Variants in MECOM observed in about 807,000 individuals in gnomAD.
The protein encoded by MECOM is histone-lysine N-methyltransferase MECOM.
In MECOM, 13 loss-of-function variants were observed where a neutral mutation model predicts 116.3. The ratio of observed to expected loss-of-function variants is 0.11; its 90% CI spans 0.07 to 0.18. MECOM has a LOEUF of 0.18. Among genes scored for constraint, MECOM ranks in the 10% least tolerant of loss-of-function variants. The probability of loss-of-function intolerance (pLI) is 1.00; values close to 1 mark genes in which losing one functional copy is unlikely to be tolerated. For synonymous variants in MECOM, 528 were observed against 535.2 expected, an observed-to-expected ratio of 0.99 and a Z score of 0.19; for missense variants, 1,299 against 1,509.0, an observed-to-expected ratio of 0.86 and a Z score of 2.31.
intron 6 of MECOM, 147 bp from the exon 7 acceptor site, chr3:169,121,356 A>C: frequency 1.3e-6 from 1 of 755,006 alleles, no homozygotes. Flanking sequence ...TCTAATTTCC[A>C]AAATGTACTC....
chr3:169,147,550 G>T (rs1411690566), intron 2 of MECOM: 2 of 985,326 alleles, frequency 2.0e-6, no homozygotes, highest in African/African-American at 3.5e-5. Flanking sequence ...TCACAAAAAG[G>T]TCGCCAAGAC....
chr3:169,417,590 C>G (rs1237641819), intron 1 of MECOM, among the ~76,000 whole-genome samples: 1 of 151,618 alleles, frequency 6.6e-6, no homozygotes, highest in Non-Finnish European at 1.5e-5. Flanking sequence ...CTATTTGACC[C>G]AGCCATCCCA....
intron 2 of MECOM, among the ~76,000 whole-genome samples, chr3:169,237,128 T>C (rs979011614): frequency 3.3e-5 from 5 of 152,226 alleles, no homozygotes; most frequent in African/African-American, 4.8e-5. Context: ...CAGTAAGTAA[T>C]GTAATATCCA....
chr3:169,448,643 A>C (rs1315953851), intron 1 of MECOM, among the ~76,000 whole-genome samples: 2 of 152,150 alleles, frequency 1.3e-5, no homozygotes, highest in Non-Finnish European at 2.9e-5. Flanking sequence ...TGGGAAGAGG[A>C]GTTTGCATCC....
At chr3:169,484,219 G>T in intron 1 of MECOM, 1 of 552,610 alleles carries the variant, frequency 1.8e-6, no homozygotes, top group Non-Finnish European at 3.2e-6. Flanking sequence ...ATATGTGAAT[G>T]TTTATAACAG....
intron 1 of MECOM, among the ~76,000 whole-genome samples, chr3:169,648,558 A>G (rs181099407): frequency 6.6e-6 from 1 of 152,362 alleles, no homozygotes; most frequent in East Asian, 1.9e-4. Context: ...TTTGCTTAGA[A>G]TTTCAGACTG....
At chr3:169,156,675 G>A (rs1742039704) in intron 2 of MECOM, among the ~76,000 whole-genome samples, 1 of 152,132 alleles carries the variant, frequency 6.6e-6, no homozygotes, top group South Asian at 2.1e-4. Context: ...CTCATTTCAA[G>A]ATCAACCCAC....
intron 1 of MECOM, among the ~76,000 whole-genome samples, chr3:169,430,126 C>A (rs924359630): frequency 2.0e-5 from 3 of 152,172 alleles, no homozygotes; most frequent in Non-Finnish European, 4.4e-5. Flanking sequence ...ATAGAACTAG[C>A]TAAAGGTAAT....
intron 1 of MECOM, among the ~76,000 whole-genome samples, chr3:169,586,578 T>G (rs1421026507): frequency 6.6e-6 from 1 of 152,176 alleles, no homozygotes; most frequent in Non-Finnish European, 1.5e-5. Flanking sequence ...AAGTTTTAAT[T>G]TACCATTTGT....
intron 2 of MECOM, among the ~76,000 whole-genome samples, chr3:169,153,940 G>T (rs1015282111): frequency 1.7e-4 from 26 of 152,310 alleles, no homozygotes; most frequent in African/African-American, 6.3e-4. Context: ...AGATAGTCTG[G>T]CCTATACTTT....
chr3:169,653,391 A>T (rs1359639333), intron 1 of MECOM, among the ~76,000 whole-genome samples: 1 of 152,234 alleles, frequency 6.6e-6, no homozygotes, highest in Non-Finnish European at 1.5e-5. Flanking sequence ...CATGAAGACA[A>T]GCAATTTATA....
At chr3:169,191,059 T>C (rs1747462834) in intron 2 of MECOM, among the ~76,000 whole-genome samples, 1 of 152,022 alleles carries the variant, frequency 6.6e-6, no homozygotes, top group Non-Finnish European at 1.5e-5. Context: ...TGCTGACTCC[T>C]TACCATCCCT....
chr3:169,541,637 C>T (rs1232055380), intron 1 of MECOM, among the ~76,000 whole-genome samples: 3 of 152,216 alleles, frequency 2.0e-5, no homozygotes, highest in African/African-American at 7.2e-5. Context: ...CCTCTTTCAC[C>T]TTCCCTGTTC....
intron 1 of MECOM, among the ~76,000 whole-genome samples, chr3:169,658,386 A>T (rs932468461): frequency 6.6e-6 from 1 of 152,144 alleles, no homozygotes; most frequent in African/African-American, 2.4e-5. Context: ...AGGGAGAGTG[A>T]ATGAGTGAGT....
In MECOM at chr3:169,110,497, A is replaced by G. The variant is rs990976325; in HGVS notation, c.2577+2290T>C. Among the ~76,000 whole-genome samples, 7 of 152,284 alleles carry G rather than the reference A, an allele frequency of 4.6e-5. No homozygotes were observed. In the South Asian group the frequency reaches 8.3e-4, roughly 18 times the overall value. ...AGCTTGTATCCCAGCTATATATAGC[A>G]TGACACAAGAAAACAGCCATGATAT... On this transcript the variant is annotated intron_variant, in intron 9 of 16. Transcript: ENST00000651503.
At chr3:169,089,852 C>A in intron 15 of MECOM, 148 bp downstream of exon 15, 3 of 1,240,388 alleles carry the variant, frequency 2.4e-6, no homozygotes, top group Non-Finnish European at 3.2e-6. Context: ...TTATTTTCAT[C>A]TATTTAAATC....
At chr3:169,086,887 A>C (rs942254042) in intron 16 of MECOM, among the ~76,000 whole-genome samples, 28 of 152,218 alleles carry the variant, frequency 1.8e-4, no homozygotes, top group African/African-American at 6.8e-4. Context: ...GCAAAACAGC[A>C]TATCTGCCTT....
chr3:169,614,569 G>A (rs1284030699), intron 1 of MECOM, among the ~76,000 whole-genome samples: 2 of 152,080 alleles, frequency 1.3e-5, no homozygotes, highest in South Asian at 4.1e-4. Context: ...AAACATTTAT[G>A]GCTGCTTGAT....
chr3:169,117,285 A>G (rs1729478166), intron 7 of MECOM, among the ~76,000 whole-genome samples: 1 of 152,186 alleles, frequency 6.6e-6, no homozygotes, highest in African/African-American at 2.4e-5. Flanking sequence ...TTGGTATTAT[A>G]TCATATGCTC....
Sources: allele counts gnomAD v4.1 joint callset (sites outside exome capture counted in the v4.1 genomes callset), GRCh38; gene constraint gnomAD v4.1.1; transcripts MANE v1.5; gene names NCBI Gene and HGNC (gene_info 2026-07-23, HGNC 2026-07-21).